COL24A1: variants seen among roughly 807,000 people sequenced by gnomAD.
COL24A1 encodes collagen type XXIV alpha 1 chain.
Under a neutral mutation model 253.9 loss-of-function variants are expected in COL24A1, and 224 were observed. The observed-to-expected ratio is 0.88, with a 90% CI of 0.79 to 0.99. The LOEUF (loss-of-function observed/expected upper bound fraction) is 0.99, where lower values mean the gene tolerates loss of function less well. Among genes scored for constraint, COL24A1 ranks in the 50% least tolerant of loss-of-function variants. The pLI is 0.00. For synonymous variants in COL24A1, 685 were observed against 673.7 expected (o/e 1.02, Z -0.26); for missense variants, 2,131 against 2,068.5 (o/e 1.03, Z -0.59).
chr1:86,039,021 T>C (rs1699247545), intron 12 of COL24A1, among the ~76,000 whole-genome samples: 1 of 152,192 alleles, frequency 6.6e-6, no homozygotes, highest in Admixed American at 6.6e-5. Context: ...ATTTGTTTCA[T>C]AGCAATAGAT....
intron 24 of COL24A1, chr1:85,960,989 A>G: frequency 3.5e-6 from 1 of 285,784 alleles, no homozygotes; most frequent in Non-Finnish European, 6.4e-6. Flanking sequence ...TTAAAAACCA[A>G]ATATTAGAAA....
At chr1:86,053,127 G>A (rs1700431884) in intron 10 of COL24A1, among the ~76,000 whole-genome samples, 1 of 152,044 alleles carries the variant, frequency 6.6e-6, no homozygotes, top group Non-Finnish European at 1.5e-5. Context: ...TGATACTAGA[G>A]CATTTAGGAT....
At chr1:86,015,004 CTT>C (rs1203949221) in intron 19 of COL24A1, among the ~76,000 whole-genome samples, 1 of 152,132 alleles carries the variant, frequency 6.6e-6, no homozygotes, top group Non-Finnish European at 1.5e-5. Context: ...GCATAAGACC[CTT>C]TACCTGAGTA....
rs532837997 is a variant in COL24A1 at position 85,816,661 on chromosome 1, T to G, written c.3951+127A>C. On this transcript the variant is annotated intron_variant, in intron 47 of 59. Transcript: ENST00000370571. ...CCTAAATACAACTGCATAATAGCTATTAGAGAAATGAACTGGCTTAATCTG... is the reference window on the plus strand; with the variant it reads ...CCTAAATACAACTGCATAATAGCTAGTAGAGAAATGAACTGGCTTAATCTG... The G allele has an allele frequency of 4.0e-4, 291 of 725,570 alleles. 1 individual carries two copies. Among genetic ancestry groups the G allele is most frequent in the Non-Finnish European group, 5.6e-4 (228 of 405,470 alleles). 44.9% of individuals were successfully genotyped at this position (725,570 alleles called of 1,614,324 possible).
chr1:85,874,622 T>C, intron 35 of COL24A1, 27 bp downstream of exon 35: 2 of 1,608,390 alleles, frequency 1.2e-6, no homozygotes, highest in African/African-American at 1.3e-5. Flanking sequence ...GGTTAGTGTA[T>C]TAAAAGAGTT....
chr1:86,143,575 GA>G (rs1356100822), intron 2 of COL24A1, among the ~76,000 whole-genome samples: 3 of 151,566 alleles, frequency 2.0e-5, no homozygotes, highest in Non-Finnish European at 4.4e-5. Context: ...GTAGGGAAAG[GA>G]GACACAGAGA....
intron 22 of COL24A1, among the ~76,000 whole-genome samples, chr1:85,967,773 C>T (rs910102778): frequency 1.3e-4 from 20 of 152,110 alleles, no homozygotes; most frequent in Non-Finnish European, 2.5e-4. Context: ...ATAGGGTTTG[C>T]GCTCCTATGA....
chr1:85,849,401 AG>A lies in COL24A1; in HGVS notation c.3305del (p.Pro1102LeufsTer23). ...GRSGQTGLPG[P>X]EGIVGIPGQR... ...GCCCTGGAATTCCCACAATTCCTTCAGGTCCCTAAAATATTCAATATAAAAA... is the reference window on the plus strand; with the variant it reads ...GCCCTGGAATTCCCACAATTCCTTCAGTCCCTAAAATATTCAATATAAAAA... On this transcript the variant is annotated frameshift_variant, in exon 38 of 60. Transcript: ENST00000370571. LOFTEE classifies it high-confidence loss of function. 1 of 1,610,942 alleles carries A rather than the reference AG, an allele frequency of 6.2e-7. No individual in the cohort carries two copies. The highest frequency in any genetic ancestry group is 1.1e-5 in the South Asian group (1 of 90,698).
At chr1:86,133,254 GA>G in intron 2 of COL24A1, among the ~76,000 whole-genome samples, 1 of 152,034 alleles carries the variant, frequency 6.6e-6, no homozygotes, top group Admixed American at 6.5e-5. Flanking sequence ...ATTTGGGGCT[GA>G]GACGATGGGG....
intron 37 of COL24A1, among the ~76,000 whole-genome samples, chr1:85,851,606 G>A (rs527792683): frequency 8.5e-5 from 13 of 152,178 alleles, no homozygotes; most frequent in South Asian, 6.2e-4. Context: ...TTCCTATAAT[G>A]CTTGATCGTA....
intron 47 of COL24A1, among the ~76,000 whole-genome samples, chr1:85,814,468 T>A (rs1361160418): frequency 1.3e-5 from 2 of 152,222 alleles, no homozygotes; most frequent in Non-Finnish European, 2.9e-5. Context: ...AATGTAGAGT[T>A]GTTAGAAAAC....
chr1:85,922,558 C>G (rs1686642468), intron 24 of COL24A1, among the ~76,000 whole-genome samples: 2 of 152,128 alleles, frequency 1.3e-5, no homozygotes, highest in African/African-American at 4.8e-5. Flanking sequence ...AATTTCATAT[C>G]CAGCCAAACT....
intron 55 of COL24A1, among the ~76,000 whole-genome samples, chr1:85,755,030 C>G (rs381453): frequency 0.89 from 135,597 of 152,172 alleles, 61,174 homozygotes; most frequent in Non-Finnish European, 0.97. Context: ...ATGCTATAGA[C>G]AAAGAGAGAA....
chr1:86,055,264 A>T (rs984667684), intron 10 of COL24A1, among the ~76,000 whole-genome samples: 2 of 152,178 alleles, frequency 1.3e-5, no homozygotes, highest in Non-Finnish European at 2.9e-5. Flanking sequence ...CCCATGTAAC[A>T]AAGCTGCACA....
chr1:85,814,946 C>T (rs1672911740), intron 47 of COL24A1, among the ~76,000 whole-genome samples: 1 of 152,060 alleles, frequency 6.6e-6, no homozygotes, highest in South Asian at 2.1e-4. Flanking sequence ...CAAATGACTT[C>T]CTGGTCCTAT....
At chr1:86,120,712 A>G (rs1316162344) in intron 3 of COL24A1, among the ~76,000 whole-genome samples, 1 of 152,234 alleles carries the variant, frequency 6.6e-6, no homozygotes, top group Non-Finnish European at 1.5e-5. Context: ...AACTAGTTCA[A>G]CCATTGTGGA....
At chr1:85,884,367 G>A (rs961193482) in intron 32 of COL24A1, among the ~76,000 whole-genome samples, 2 of 151,976 alleles carry the variant, frequency 1.3e-5, no homozygotes, top group African/African-American at 4.8e-5. Flanking sequence ...TTGTAGCTAT[G>A]GTGTCTCAGG....
intron 5 of COL24A1, among the ~76,000 whole-genome samples, chr1:86,101,223 G>A (rs942806403): frequency 1.3e-5 from 2 of 152,078 alleles, no homozygotes; most frequent in African/African-American, 4.8e-5. Context: ...TAATTACCCA[G>A]CATCATCAAA....
chr1:85,879,246 G>GGT (rs5775875), intron 32 of COL24A1, among the ~76,000 whole-genome samples: 19,549 of 147,054 alleles, frequency 0.13, 1,330 homozygotes, highest in East Asian at 0.25. Flanking sequence ...TCATTTTGAG[G>GGT]GTGTGTGTGT....
Sources: gnomAD v4.1 joint callset for allele counts (sites outside exome capture counted in the v4.1 genomes callset) on GRCh38, gnomAD v4.1.1 for gene constraint, MANE v1.5 for transcripts, NCBI Gene and HGNC (gene_info 2026-07-23, HGNC 2026-07-21) for gene names.